ADAP1: variants seen among roughly 807,000 people sequenced by gnomAD.
ADAP1 encodes the protein ArfGAP with dual PH domains 1, also known as arf-GAP with dual PH domain-containing protein 1.
In ADAP1, 31 loss-of-function variants were observed where a neutral mutation model predicts 54.9. That is an observed-to-expected ratio of 0.56 (90% CI 0.42 to 0.76). The LOEUF (loss-of-function observed/expected upper bound fraction) is 0.76. Ranked by LOEUF, ADAP1 falls within the 30% of genes least tolerant of loss-of-function variation. The pLI is 0.00. For missense variants in ADAP1, 535 were observed against 512.4 expected (o/e 1.04, Z -0.42); for synonymous variants, 313 against 202.6 (o/e 1.55, Z -4.63).
chr7:926,939 A>C lies in ADAP1; in HGVS notation c.214-295T>G. 8.0e-7 allele frequency: 1 copy of C among 1,257,196 alleles called. No homozygotes were observed. Among genetic ancestry groups the C allele is most frequent in the Non-Finnish European group, 1.0e-6 (1 of 967,250 alleles). The allele number at this position is 1,257,196 out of a possible 1,614,324, so 77.9% of individuals were successfully genotyped here. ...GGTCTGAGGTTTGCCCCACCGTTTC[A>C]ACCCCCAAGTCCACCCACACCGGGT... On this transcript the variant is annotated intron_variant, in intron 2 of 10. Transcript: ENST00000265846. This position sits in a 1 kb window ranked among gnomAD's most constrained non-coding sequence, Gnocchi z 4.6.
chr7:904,042 C>A, intron 6 of ADAP1, 84 bp downstream of exon 6: 7 of 1,581,420 alleles, frequency 4.4e-6, no homozygotes, highest in Non-Finnish European at 6.0e-6. Context: ...CCCGTACCGT[C>A]CAAGCACCCA....
chr7:900,326 C>T (rs1019904933), intron 7 of ADAP1, among the ~76,000 whole-genome samples, 162 bp from the exon 8 acceptor site: 2 of 152,166 alleles, frequency 1.3e-5, no homozygotes, highest in Admixed American at 6.5e-5. Flanking sequence ...TGCTTGCCAC[C>T]CCTTCCCTCC....
At chr7:939,200 G>A (rs975847016) in intron 1 of ADAP1, among the ~76,000 whole-genome samples, 7 of 152,046 alleles carry the variant, frequency 4.6e-5, no homozygotes, top group Non-Finnish European at 1.0e-4. Flanking sequence ...GAGACTCTAC[G>A]GCCCTAAAAT....
chr7:905,356 C>CAGGGAAAGGAGAAAGGAGAA, intron 4 of ADAP1, 184 bp from the exon 5 acceptor site: 2 of 234,028 alleles, frequency 8.5e-6, no homozygotes, highest in Non-Finnish European at 1.5e-5. Flanking sequence ...GGAAGATGGG[C>CAGGGAAAGGAGAAAGGAGAA]AGGGAAAGGG....
At chr7:955,240 C>G (rs1020363909), upstream of ADAP1, 3 of 1,517,262 alleles carry the variant, frequency 2.0e-6, no homozygotes, top group African/African-American at 2.8e-5. Context: ...GGGGCCCCGC[C>G]GGGACTTCAC....
In ADAP1 at chr7:926,280, C is replaced by T. The variant is rs1034212782; in HGVS notation, c.305+273G>A. On this transcript the variant is annotated intron_variant, in intron 3 of 10. Transcript: ENST00000265846. The surrounding 1 kb of genome is among the most constrained non-coding windows in gnomAD (Gnocchi z 4.6). Reference sequence around the variant, plus strand: ...GAGGGCCCCTCAGATCCACCCGAGACCCCCAAGGCCTCAGCGAACCTGGGT... The same window carrying T: ...GAGGGCCCCTCAGATCCACCCGAGATCCCCAAGGCCTCAGCGAACCTGGGT... Among the ~76,000 whole-genome samples the T allele has an allele frequency of 4.6e-5, 7 of 152,262 alleles. No homozygotes were observed. In the East Asian group the frequency reaches 7.7e-4, roughly 17 times the overall value.
chr7:900,880 CGAA>C (rs376307973), intron 6 of ADAP1: 13,686 of 580,270 alleles, frequency 0.024, 434 homozygotes, highest in East Asian at 0.14. Context: ...GCCGAAGGGC[CGAA>C]GGGCCGGGCC....
chr7:905,270 CACGGGGGACACGGACGGGGGACACGGA>C, intron 4 of ADAP1, 98 bp from the exon 5 acceptor site: 2 of 507,718 alleles, frequency 3.9e-6, no homozygotes, highest in Non-Finnish European at 6.3e-6. Flanking sequence ...GGGGAGAAGA[CACGGGGGACACGGACGGGGGACACGGA>C]CAGGGGGAGA....
Position 900,619 on chromosome 7 carries a change from A to AG in ADAP1, c.649-4dup. 3 of 1,458,562 alleles carry AG rather than the reference A, an allele frequency of 2.1e-6. No individual in the cohort carries two copies. The highest frequency in any genetic ancestry group is 2.8e-6 in the Non-Finnish European group (3 of 1,087,182). The allele number at this position is 1,458,562 out of a possible 1,614,324, so 90.4% of individuals were successfully genotyped here. A position where few individuals can be genotyped will look rare whatever the true frequency, so the allele number is the denominator to read the frequency against. ...GCATTGAACCAGTCCACAATCTCCT[A>AG]GGGGCAAAGGTGGGCACAGGCTTGG... On this transcript the variant is annotated splice_polypyrimidine_tract_variant and splice_region_variant and intron_variant, in intron 6 of 10. Coordinates refer to ENST00000265846, the MANE Select transcript of ADAP1 (RefSeq NM_006869.4).
In ADAP1 at chr7:899,046, G is replaced by C. The variant is rs750722467; in HGVS notation, c.1083C>G (p.Pro361=). 1 of 1,608,820 alleles carries C rather than the reference G, an allele frequency of 6.2e-7. No homozygotes were observed. Among genetic ancestry groups the C allele is most frequent in the Admixed American group, 1.7e-5 (1 of 59,996 alleles). ...CGCCCCCCTCACCTGCGTACTCCTG[G>C]GGCAGCATGGGCCTGTCCACCGCCT... ...FQKAVDRPML[P]QEYAVEAHFK... The change falls in exon 10 of 11, where the codon CCC becomes CCG. Residue 361 remains proline (P), a synonymous_variant. Transcript: ENST00000265846.
chr7:932,499 C>T (rs1401631449), intron 2 of ADAP1, among the ~76,000 whole-genome samples: 2 of 152,190 alleles, frequency 1.3e-5, no homozygotes, highest in Non-Finnish European at 2.9e-5. Context: ...AGGGCTGTTT[C>T]CTCCAGGAGT....
Position 926,340 on chromosome 7 carries a change from G to GCCCCACCCCAGCGTC in ADAP1, c.305+212_305+213insGACGCTGGGGTGGGG, listed in dbSNP as rs1554275828. Among the ~76,000 whole-genome samples, 2 of 71,984 alleles carry GCCCCACCCCAGCGTC rather than the reference G, an allele frequency of 2.8e-5. No individual in the cohort carries two copies. The highest frequency in any genetic ancestry group is 1.4e-4 in the Admixed American group (1 of 7,254). The allele number at this position is 71,984 out of a possible 152,430, so 47.2% of individuals were successfully genotyped here. On this transcript the variant is annotated intron_variant, in intron 3 of 10. Transcript: ENST00000265846. This position sits in a 1 kb window ranked among gnomAD's most constrained non-coding sequence, Gnocchi z 4.6. ...CTACTGATGCACAATGACCTTCCCA[G>GCCCCACCCCAGCGTC]CCCCACCCCAGCGCCCCCCGCCCCA...
chr7:905,865 A>C (rs1845242195), intron 4 of ADAP1, among the ~76,000 whole-genome samples: 2 of 59,186 alleles, frequency 3.4e-5, no homozygotes, highest in Non-Finnish European at 8.5e-5. Flanking sequence ...AGAAGGGAGA[A>C]GGGAGAAGGG....
intron 4 of ADAP1, among the ~76,000 whole-genome samples, chr7:911,809 G>T (rs1845735090): frequency 6.6e-6 from 1 of 151,334 alleles, no homozygotes; most frequent in Non-Finnish European, 1.5e-5. Context: ...CAGGAAGGGG[G>T]CGGGGGACCC....
At position 906,408 on chromosome 7, in the gene ADAP1, GA is replaced by G. The variant is rs1845334138; in HGVS notation, c.389-1237del. On this transcript the variant is annotated intron_variant, in intron 4 of 10. Coordinates refer to ENST00000265846, the MANE Select transcript of ADAP1 (RefSeq NM_006869.4). The stretch of plus-strand genomic sequence containing the variant: ...GAAAGGAGAAAGGAGAAAGGGAAAG[GA>G]GAAAGGGAGAAAGGGAAAGGAGAAA... Among the ~76,000 whole-genome samples the G allele has an allele frequency of 9.4e-5, 4 of 42,460 alleles. 1 individual carries two copies. Among genetic ancestry groups the G allele is most frequent in the Admixed American group, 4.2e-4 (2 of 4,742 alleles). The allele number at this position is 42,460 out of a possible 152,430, so 27.9% of individuals were successfully genotyped here.
intron 4 of ADAP1, among the ~76,000 whole-genome samples, chr7:906,638 G>C (rs1478629630): frequency 9.9e-6 from 1 of 100,624 alleles, no homozygotes; most frequent in African/African-American, 4.9e-5. Flanking sequence ...GGAGAAAGGA[G>C]AAAGGGAAAG....
chr7:899,955 C>G, intron 8 of ADAP1, 147 bp downstream of exon 8: 1 of 1,008,234 alleles, frequency 9.9e-7, no homozygotes, highest in South Asian at 1.5e-5. Flanking sequence ...CTCGGGGACC[C>G]CGGCCAGGCA....
At chr7:954,314 C>T (rs1338952328) in intron 1 of ADAP1, 82 bp downstream of exon 1, 4 of 993,368 alleles carry the variant, frequency 4.0e-6, no homozygotes, top group Non-Finnish European at 4.8e-6. Flanking sequence ...CGCCCGGTCC[C>T]CGGGGCCCAC....
chr7:953,674 C>A (rs1847320324), intron 1 of ADAP1, among the ~76,000 whole-genome samples: 1 of 152,210 alleles, frequency 6.6e-6, no homozygotes, highest in South Asian at 2.1e-4. Context: ...CACTGGGCCC[C>A]GTTCACAGCC....
Sources: allele counts gnomAD v4.1 joint callset (sites outside exome capture counted in the v4.1 genomes callset), GRCh38; gene constraint gnomAD v4.1.1; non-coding constraint Gnocchi (gnomAD v3.1); transcripts MANE v1.5; gene names NCBI Gene and HGNC (gene_info 2026-07-23, HGNC 2026-07-21).